The following ANO3 variants were observed in gnomAD, a reference collection of about 807,000 sequenced individuals.
ANO3 encodes the protein anoctamin-3.
A neutral mutation model predicts 144.8 loss-of-function variants in ANO3; 99 were observed. The observed-to-expected ratio is 0.68, with a 90% CI of 0.58 to 0.81. ANO3 has a LOEUF of 0.81. Among genes scored for constraint, ANO3 ranks in the 30% least tolerant of loss-of-function variants. The probability of loss-of-function intolerance (pLI) is 0.00; values close to 1 mark genes in which losing one functional copy is unlikely to be tolerated. For synonymous variants in ANO3, 414 were observed against 392.6 expected (o/e 1.05, Z -0.64); for missense variants, 905 against 1,202.2 (o/e 0.75, Z 3.66).
At chr11:26,521,223 A>G (rs1231675977) in intron 6 of ANO3, among the ~76,000 whole-genome samples, 1 of 152,160 alleles carries the variant, frequency 6.6e-6, no homozygotes, top group African/African-American at 2.4e-5. Context: ...ACTGCCTTAA[A>G]ATTAAATTAT....
upstream of ANO3, among the ~76,000 whole-genome samples, chr11:26,309,281 G>A (rs1052022711): frequency 6.6e-6 from 1 of 152,152 alleles, no homozygotes; most frequent in South Asian, 2.1e-4. Flanking sequence ...ATCAGAGTGA[G>A]CAAAGGAAAA....
intron 23 of ANO3, among the ~76,000 whole-genome samples, chr11:26,643,828 C>G (rs375418850): frequency 1.3e-5 from 2 of 152,146 alleles, no homozygotes; most frequent in Non-Finnish European, 2.9e-5. Context: ...TCCACTTCCC[C>G]GTGGTGTGAG....
intron 1 of ANO3, among the ~76,000 whole-genome samples, chr11:26,256,575 G>A (rs1853061315): frequency 6.6e-6 from 1 of 152,006 alleles, no homozygotes; most frequent in African/African-American, 2.4e-5. Context: ...TTATTCTACA[G>A]GCAATATACT....
chr11:26,638,655 A>T (rs1479471940), intron 20 of ANO3, among the ~76,000 whole-genome samples: 1 of 152,192 alleles, frequency 6.6e-6, no homozygotes, highest in Non-Finnish European at 1.5e-5. Context: ...CAAATATACC[A>T]TGGTAATGTA....
intron 1 of ANO3, among the ~76,000 whole-genome samples, chr11:26,256,602 T>C (rs1268681911): frequency 6.6e-6 from 1 of 152,048 alleles, no homozygotes; most frequent in Admixed American, 6.6e-5. Context: ...TCCTACCCTA[T>C]GAGATTTTTG....
At chr11:26,568,180 A>G (rs1850670670) in intron 14 of ANO3, among the ~76,000 whole-genome samples, 2 of 152,064 alleles carry the variant, frequency 1.3e-5, no homozygotes, top group Admixed American at 6.6e-5. Flanking sequence ...GTATATTACT[A>G]TTATGCATTT....
intron 8 of ANO3, 34 bp downstream of exon 8, chr11:26,531,370 T>C: frequency 1.9e-6 from 3 of 1,579,380 alleles, no homozygotes; most frequent in Non-Finnish European, 1.7e-6. Flanking sequence ...CTGCCTACCT[T>C]TATATCTTGG....
intron 1 of ANO3, among the ~76,000 whole-genome samples, chr11:26,228,290 G>T (rs1852298145): frequency 6.6e-6 from 1 of 152,208 alleles, no homozygotes; most frequent in Non-Finnish European, 1.5e-5. Flanking sequence ...AGTACAATCT[G>T]TTCTACCAGT....
At chr11:26,443,723 C>A in intron 2 of ANO3, 42 bp from the exon 3 acceptor site, 1 of 1,116,420 alleles carries the variant, frequency 9.0e-7, no homozygotes. Flanking sequence ...TGTTGTTATG[C>A]TTTTATTTCC....
chr11:26,221,656 C>T (rs1038364544), intron 1 of ANO3, among the ~76,000 whole-genome samples: 2 of 152,154 alleles, frequency 1.3e-5, no homozygotes, highest in Non-Finnish European at 2.9e-5. Flanking sequence ...AGAAGTATGG[C>T]ATTGGCATCT....
chr11:26,330,668 ATAAG>A (rs1564967949), upstream of ANO3, among the ~76,000 whole-genome samples: 1 of 152,206 alleles, frequency 6.6e-6, no homozygotes, highest in East Asian at 1.9e-4. Flanking sequence ...TGCAAAATCC[ATAAG>A]TAATAATAAT....
At chr11:26,609,017 T>C (rs1852014323) in intron 17 of ANO3, among the ~76,000 whole-genome samples, 2 of 152,176 alleles carry the variant, frequency 1.3e-5, no homozygotes, top group South Asian at 4.1e-4. Flanking sequence ...GTTGAGAGGC[T>C]TTTGAGAATC....
intron 1 of ANO3, among the ~76,000 whole-genome samples, chr11:26,321,123 C>T (rs1031483673): frequency 6.6e-5 from 10 of 151,890 alleles, no homozygotes; most frequent in African/African-American, 2.4e-4. Context: ...CTTTTATTTT[C>T]TTTGTTCTCA....
chr11:26,260,314 C>G (rs1173616361), intron 1 of ANO3, among the ~76,000 whole-genome samples: 1 of 152,134 alleles, frequency 6.6e-6, no homozygotes, highest in African/African-American at 2.4e-5. Context: ...AGTTTACACA[C>G]CACTTTCACA....
intron 1 of ANO3, among the ~76,000 whole-genome samples, chr11:26,296,876 A>G (rs1017346694): frequency 6.6e-6 from 1 of 152,154 alleles, no homozygotes; most frequent in Non-Finnish European, 1.5e-5. Context: ...GCCTTTGAGT[A>G]TCAGGAACTT....
At chr11:26,454,552 C>G (rs1252209364) in intron 3 of ANO3, among the ~76,000 whole-genome samples, 2 of 151,972 alleles carry the variant, frequency 1.3e-5, no homozygotes, top group African/African-American at 2.4e-5. Context: ...CTGAATAGAC[C>G]AATAACAGGA....
chr11:26,409,967 A>G (rs1317280706), intron 1 of ANO3, among the ~76,000 whole-genome samples: 4 of 151,946 alleles, frequency 2.6e-5, no homozygotes, highest in Non-Finnish European at 5.9e-5. Context: ...TTGTAAGCTG[A>G]TTGGAAGCCT....
intron 6 of ANO3, among the ~76,000 whole-genome samples, chr11:26,517,723 T>C (rs1183615166): frequency 6.6e-6 from 1 of 152,010 alleles, no homozygotes; most frequent in African/African-American, 2.4e-5. Context: ...AATTCAAAAA[T>C]ATGGAGAAAT....
At chr11:26,510,649 A>T (rs1861628518) in intron 5 of ANO3, among the ~76,000 whole-genome samples, 1 of 152,228 alleles carries the variant, frequency 6.6e-6, no homozygotes, top group Non-Finnish European at 1.5e-5. Flanking sequence ...CTGCTGAGAT[A>T]TAAGATAAGT....
Sources: gnomAD v4.1 joint callset for allele counts (sites outside exome capture counted in the v4.1 genomes callset) on GRCh38, gnomAD v4.1.1 for gene constraint, MANE v1.5 for transcripts, NCBI Gene and HGNC (gene_info 2026-07-23, HGNC 2026-07-21) for gene names.